NCALD: variants seen among roughly 807,000 people sequenced by gnomAD.
The protein encoded by NCALD is neurocalcin-delta.
In NCALD, 10 loss-of-function variants were observed where a neutral mutation model predicts 18.6. That is an observed-to-expected ratio of 0.54 (90% CI 0.33 to 0.91). The LOEUF (loss-of-function observed/expected upper bound fraction) is 0.91. Ranked by LOEUF, NCALD falls within the 40% of genes least tolerant of loss-of-function variation. The probability of loss-of-function intolerance (pLI) is 0.03; values close to 1 mark genes in which losing one functional copy is unlikely to be tolerated. For missense variants in NCALD, 184 were observed against 247.6 expected (o/e 0.74, Z 1.72); for synonymous variants, 88 against 87.4 (o/e 1.01, Z -0.04).
chr8:101,744,539 A>G (rs867090863), intron 1 of NCALD, among the ~76,000 whole-genome samples: 19 of 152,300 alleles, frequency 1.2e-4, no homozygotes, highest in Middle Eastern at 3.4e-3. Flanking sequence ...TCTTCTTTCT[A>G]TCAAGTTTTA....
intron 4 of NCALD, among the ~76,000 whole-genome samples, chr8:101,809,555 T>G (rs1195001366): frequency 1.3e-5 from 2 of 152,150 alleles, no homozygotes; most frequent in Non-Finnish European, 2.9e-5. Flanking sequence ...TAATTTCTAT[T>G]TATTTATTTG....
At chr8:101,891,516 T>C (rs1365836047) in intron 3 of NCALD, among the ~76,000 whole-genome samples, 1 of 152,194 alleles carries the variant, frequency 6.6e-6, no homozygotes, top group Admixed American at 6.5e-5. Flanking sequence ...GGAGCCAAGA[T>C]GGCCAAATAG....
intron 2 of NCALD, among the ~76,000 whole-genome samples, chr8:101,989,853 A>G (rs1820974699): frequency 6.6e-6 from 1 of 152,236 alleles, no homozygotes; most frequent in African/African-American, 2.4e-5. Context: ...TACAGAAATG[A>G]TAAGAAAAAG....
chr8:101,870,692 T>A (rs568450150), intron 4 of NCALD, among the ~76,000 whole-genome samples: 2 of 152,262 alleles, frequency 1.3e-5, no homozygotes, highest in East Asian at 3.9e-4. Context: ...GACATAGTCT[T>A]GAAAATTCTG....
At chr8:102,036,982 A>T (rs1822890623) in intron 1 of NCALD, among the ~76,000 whole-genome samples, 1 of 152,136 alleles carries the variant, frequency 6.6e-6, no homozygotes, top group African/African-American at 2.4e-5. Context: ...TAAAGAAAAA[A>T]ATTTTTAGTC....
chr8:102,054,055 A>C lies in NCALD; in HGVS notation c.-209-33766T>G, dbSNP rs558611797. On this transcript the variant is annotated intron_variant, in intron 1 of 6. Coordinates refer to the NCALD transcript ENST00000311028. ...ATGTCAATGGTGATTTTCCTCACTGACCTTCATGGCATCCCATACAGGTAA... is the reference window on the plus strand; with the variant it reads ...ATGTCAATGGTGATTTTCCTCACTGCCCTTCATGGCATCCCATACAGGTAA... Among the ~76,000 whole-genome samples, 101 of 152,300 alleles carry C rather than the reference A, an allele frequency of 6.6e-4. 2 individuals are homozygous for C. Among genetic ancestry groups the C allele is most frequent in the African/African-American group, 2.4e-3 (100 of 41,558 alleles).
intron 4 of NCALD, among the ~76,000 whole-genome samples, chr8:101,816,943 C>T (rs1274650230): frequency 6.6e-6 from 1 of 152,076 alleles, no homozygotes; most frequent in Non-Finnish European, 1.5e-5. Flanking sequence ...TTGCTATAAA[C>T]CTAAAACTAC....
At chr8:101,992,012 A>G (rs1248917577) in intron 2 of NCALD, among the ~76,000 whole-genome samples, 1 of 152,230 alleles carries the variant, frequency 6.6e-6, no homozygotes, top group African/African-American at 2.4e-5. Context: ...AGCAGCAGCT[A>G]AAGTATCTGG....
At chr8:101,740,942 T>C (rs1810159135) in intron 1 of NCALD, among the ~76,000 whole-genome samples, 1 of 152,236 alleles carries the variant, frequency 6.6e-6, no homozygotes, top group Non-Finnish European at 1.5e-5. Context: ...ATCTTTATTT[T>C]TTCTAGTCTA....
intron 4 of NCALD, among the ~76,000 whole-genome samples, chr8:101,863,206 G>T (rs925633919): frequency 6.6e-6 from 1 of 152,106 alleles, no homozygotes; most frequent in African/African-American, 2.4e-5. Flanking sequence ...CATTCTCATG[G>T]TGCAAGGTGT....
intron 1 of NCALD, among the ~76,000 whole-genome samples, chr8:102,108,298 T>G (rs930372191): frequency 1.3e-5 from 2 of 152,254 alleles, no homozygotes; most frequent in Non-Finnish European, 2.9e-5. Flanking sequence ...TCTAGGTTTA[T>G]TTTTAGATCC....
In NCALD at chr8:101,867,945, C is replaced by G. The variant is rs114925530; in HGVS notation, c.-20+19196G>C. On this transcript the variant is annotated intron_variant, in intron 4 of 6. Coordinates refer to the NCALD transcript ENST00000311028. ...CAAATTGAAGGGCTAAGAGCCATAT[C>G]TGGTCCCCGCCCCCCGCCAACCTTT... Among the ~76,000 whole-genome samples the G allele has an allele frequency of 5.0e-3, 758 of 152,336 alleles. 5 individuals carry two copies. The highest frequency in any genetic ancestry group is 0.018 in the African/African-American group (733 of 41,572).
At chr8:102,017,120 A>G (rs1297382601) in intron 2 of NCALD, among the ~76,000 whole-genome samples, 1 of 152,210 alleles carries the variant, frequency 6.6e-6, no homozygotes, top group East Asian at 1.9e-4. Context: ...AGAGCTGTCA[A>G]ACAGTATAAA....
At chr8:101,914,313 A>C (rs759986783) in intron 3 of NCALD, among the ~76,000 whole-genome samples, 1 of 152,188 alleles carries the variant, frequency 6.6e-6, no homozygotes, top group Non-Finnish European at 1.5e-5. Flanking sequence ...TATTTTGGGG[A>C]GGAAGATTAC....
intron 1 of NCALD, among the ~76,000 whole-genome samples, chr8:102,090,852 G>A (rs1294727408): frequency 6.6e-6 from 1 of 152,184 alleles, no homozygotes; most frequent in Admixed American, 6.5e-5. Context: ...TGGAGAAACT[G>A]GTTATTTTAC....
intron 2 of NCALD, among the ~76,000 whole-genome samples, chr8:101,975,800 A>G (rs931309681): frequency 6.6e-6 from 1 of 152,070 alleles, no homozygotes; most frequent in Non-Finnish European, 1.5e-5. Flanking sequence ...TTCTGTGGAG[A>G]GTATGCAAGC....
chr8:101,955,091 C>T (rs1355875529), intron 2 of NCALD, among the ~76,000 whole-genome samples: 1 of 152,204 alleles, frequency 6.6e-6, no homozygotes, highest in Non-Finnish European at 1.5e-5. Context: ...CAGATCACTG[C>T]TGTCTTGCCA....
chr8:101,727,429 A>G (rs778065864), intron 1 of NCALD, among the ~76,000 whole-genome samples: 1 of 151,994 alleles, frequency 6.6e-6, no homozygotes, highest in Non-Finnish European at 1.5e-5. Context: ...TCTATTCTCT[A>G]CTCAGCCTCC....
intron 1 of NCALD, among the ~76,000 whole-genome samples, chr8:102,058,271 C>T (rs146937595): frequency 6.6e-6 from 1 of 152,220 alleles, no homozygotes; most frequent in South Asian, 2.1e-4. Context: ...TTTACTATAA[C>T]AATTCAATGA....
Sources: allele counts gnomAD v4.1 joint callset (sites outside exome capture counted in the v4.1 genomes callset), GRCh38; gene constraint gnomAD v4.1.1; transcripts MANE v1.5; gene names NCBI Gene and HGNC (gene_info 2026-07-23, HGNC 2026-07-21).